Variants in LDLRAD3 observed in about 807,000 individuals in gnomAD.
LDLRAD3 encodes low density lipoprotein receptor class A domain containing 3, also known as low-density lipoprotein receptor class A domain-containing protein 3.
Under a neutral mutation model 29.4 loss-of-function variants are expected in LDLRAD3, and 20 were observed. The observed-to-expected ratio is 0.68, with a 90% CI of 0.48 to 0.99. LDLRAD3 has a LOEUF of 0.99. Among genes scored for constraint, LDLRAD3 ranks in the 50% least tolerant of loss-of-function variants. LDLRAD3 has a pLI of 0.00. For synonymous variants in LDLRAD3, 157 were observed against 192.7 expected (o/e 0.81, Z 1.53); for missense variants, 420 against 454.3 (o/e 0.92, Z 0.69).
chr11:36,036,365 G>C, intron 2 of LDLRAD3, 116 bp downstream of exon 2: 1 of 1,208,678 alleles, frequency 8.3e-7, no homozygotes, highest in Non-Finnish European at 1.2e-6. Flanking sequence ...TGGTGGTTTT[G>C]TGCCTCTTGC....
rs756902228 is a variant in LDLRAD3 at position 36,159,625 on chromosome 11, A to AAAAT, written c.454+61165_454+61166insAATA. 1.9e-3 allele frequency among the ~76,000 whole-genome samples: 252 copies of AAAAT among 132,936 alleles called. 13 individuals carry two copies. The highest frequency in any genetic ancestry group is 3.1e-3 in the East Asian group (13 of 4,132). 87.2% of individuals were successfully genotyped at this position (132,936 alleles called of 152,430 possible). A position where few individuals can be genotyped will look rare whatever the true frequency, so the allele number is the denominator to read the frequency against. On this transcript the variant is annotated intron_variant, in intron 4 of 5. Transcript: ENST00000315571. ...ACTAAAAAAAAAAAAAAAAAAAAAA[A>AAAAT]AGCCAGATGTGGTGACATGCTCCTG... is the stretch of plus-strand genomic sequence containing the variant.
At chr11:36,158,820 G>A (rs959377146) in intron 4 of LDLRAD3, among the ~76,000 whole-genome samples, 3 of 152,018 alleles carry the variant, frequency 2.0e-5, no homozygotes, top group Non-Finnish European at 2.9e-5. Context: ...CGTAATAATT[G>A]TACATATTTA....
At chr11:36,070,542 T>C (rs953417443) in intron 2 of LDLRAD3, among the ~76,000 whole-genome samples, 2 of 152,208 alleles carry the variant, frequency 1.3e-5, no homozygotes, top group Non-Finnish European at 2.9e-5. Context: ...AGGTCCCTCA[T>C]TGGCTGTGTA....
At chr11:36,006,922 G>A (rs1851892558) in intron 1 of LDLRAD3, among the ~76,000 whole-genome samples, 1 of 152,186 alleles carries the variant, frequency 6.6e-6, no homozygotes, top group South Asian at 2.1e-4. Context: ...CCAAGAGGGA[G>A]GAAATGGCTG....
intron 1 of LDLRAD3, among the ~76,000 whole-genome samples, chr11:36,034,799 T>A (rs973096228): frequency 2.0e-5 from 3 of 152,214 alleles, no homozygotes; most frequent in Non-Finnish European, 2.9e-5. Flanking sequence ...ATTTGTTTGC[T>A]GAAGGGTGTG....
At chr11:36,160,986 G>A (rs1179149472) in intron 4 of LDLRAD3, among the ~76,000 whole-genome samples, 2 of 152,108 alleles carry the variant, frequency 1.3e-5, no homozygotes, top group African/African-American at 2.4e-5. Context: ...GTAGAAATAG[G>A]GTTTCACCAT....
chr11:36,083,726 G>C (rs60444707), intron 3 of LDLRAD3, among the ~76,000 whole-genome samples: 5,737 of 139,698 alleles, frequency 0.041, 341 homozygotes, highest in African/African-American at 0.15. Context: ...TATAATCTAA[G>C]GGAGAAATTA....
In LDLRAD3 at chr11:36,110,371, C is replaced by T. The variant is rs181824159; in HGVS notation, c.454+11910C>T. On this transcript the variant is annotated intron_variant, in intron 4 of 5. Transcript: ENST00000315571. ...TGCCTCTGTCCTAGCTCTCTCTCCC[C>T]GGTGAATGGCGGAGTCCATCCTGGA... is the stretch of plus-strand genomic sequence containing the variant. 1.1e-4 allele frequency among the ~76,000 whole-genome samples: 17 copies of T among 152,242 alleles called. 2 individuals carry two copies. The highest frequency in any genetic ancestry group is 5.8e-4 in the East Asian group (3 of 5,176).
intron 3 of LDLRAD3, among the ~76,000 whole-genome samples, chr11:36,091,465 G>T (rs1430208008): frequency 6.6e-6 from 1 of 152,024 alleles, no homozygotes; most frequent in Non-Finnish European, 1.5e-5. Flanking sequence ...ACCACTAAGC[G>T]GTTCCCTTCA....
At chr11:36,053,274 T>C (rs1448840107) in intron 2 of LDLRAD3, among the ~76,000 whole-genome samples, 1 of 152,168 alleles carries the variant, frequency 6.6e-6, no homozygotes, top group Non-Finnish European at 1.5e-5. Flanking sequence ...TTTTGACATC[T>C]GTGATTCCAA....
intron 3 of LDLRAD3, among the ~76,000 whole-genome samples, chr11:36,083,436 G>A (rs1004795782): frequency 6.6e-6 from 1 of 152,078 alleles, no homozygotes; most frequent in African/African-American, 2.4e-5. Flanking sequence ...TATCCCGTAA[G>A]TTAGAATGAG....
At chr11:36,169,010 C>T (rs753921601) in intron 4 of LDLRAD3, among the ~76,000 whole-genome samples, 3 of 152,076 alleles carry the variant, frequency 2.0e-5, no homozygotes, top group Non-Finnish European at 4.4e-5. Context: ...GACTGTATTC[C>T]CATTATAGGA....
At chr11:36,208,245 A>T (rs577730640) in intron 4 of LDLRAD3, among the ~76,000 whole-genome samples, 1 of 152,294 alleles carries the variant, frequency 6.6e-6, no homozygotes, top group African/African-American at 2.4e-5. Flanking sequence ...CAACAAAATA[A>T]ATAATAATGC....
chr11:36,019,723 C>T (rs1358986), intron 1 of LDLRAD3, among the ~76,000 whole-genome samples: 1 of 152,090 alleles, frequency 6.6e-6, no homozygotes. Flanking sequence ...TGTGTTGCAG[C>T]TGTCACTATT....
At chr11:36,192,850 C>T (rs1854974488) in intron 4 of LDLRAD3, among the ~76,000 whole-genome samples, 1 of 152,150 alleles carries the variant, frequency 6.6e-6, no homozygotes, top group Non-Finnish European at 1.5e-5. Flanking sequence ...GCCAAATGCA[C>T]ATGCTCGTGA....
At position 36,217,380 on chromosome 11, in the gene LDLRAD3, C is replaced by T. The variant is rs1213975139; in HGVS notation, c.455-9705C>T. Among the ~76,000 whole-genome samples, 3 of 152,078 alleles carry T rather than the reference C, an allele frequency of 2.0e-5. No homozygotes were observed. The East Asian group carries it at 5.8e-4, about 29-fold the overall frequency. The stretch of plus-strand genomic sequence containing the variant: ...CGAGAACTTAATGGTAAGATAGCCA[C>T]ATATGTAAAATGAAATAAAGCTTTG... On this transcript the variant is annotated intron_variant, in intron 4 of 5. Transcript: ENST00000315571.
At chr11:36,094,559 G>A (rs1359339014) in intron 3 of LDLRAD3, among the ~76,000 whole-genome samples, 2 of 151,950 alleles carry the variant, frequency 1.3e-5, no homozygotes, top group South Asian at 2.1e-4. Flanking sequence ...TTTTTGAGAC[G>A]GGGTCTCGCT....
intron 4 of LDLRAD3, among the ~76,000 whole-genome samples, chr11:36,166,031 C>T (rs1410334755): frequency 6.8e-6 from 1 of 146,934 alleles, no homozygotes; most frequent in Admixed American, 6.9e-5. Flanking sequence ...CTCCTCCCTC[C>T]TCTCCCATCC....
intron 2 of LDLRAD3, 141 bp from the exon 3 acceptor site, chr11:36,081,509 GGGT>G: frequency 9.5e-7 from 1 of 1,053,420 alleles, no homozygotes; most frequent in African/African-American, 1.6e-5. Context: ...TGTTTGAGGT[GGGT>G]GGTGGTAATG....
Sources: allele counts gnomAD v4.1 joint callset (sites outside exome capture counted in the v4.1 genomes callset), GRCh38; gene constraint gnomAD v4.1.1; transcripts MANE v1.5; gene names NCBI Gene and HGNC (gene_info 2026-07-23, HGNC 2026-07-21).